ADAMTSL3: variants seen among roughly 807,000 people sequenced by gnomAD.
ADAMTSL3 encodes the protein ADAMTS-like protein 3.
In ADAMTSL3, 128 loss-of-function variants were observed where a neutral mutation model predicts 201.7. The observed-to-expected ratio is 0.63, with a 90% CI of 0.55 to 0.73. The LOEUF (loss-of-function observed/expected upper bound fraction) is 0.73, where lower values mean the gene tolerates loss of function less well. Among genes scored for constraint, ADAMTSL3 ranks in the 30% least tolerant of loss-of-function variants. The probability of loss-of-function intolerance (pLI) is 0.00; values close to 1 mark genes in which losing one functional copy is unlikely to be tolerated. For synonymous variants in ADAMTSL3, 738 were observed against 748.4 expected, an observed-to-expected ratio of 0.99 and a Z score of 0.23; for missense variants, 1,990 against 2,119.6, an observed-to-expected ratio of 0.94 and a Z score of 1.20.
intron 25 of ADAMTSL3, among the ~76,000 whole-genome samples, chr15:84,017,121 T>C (rs2068100025): frequency 6.6e-6 from 1 of 152,132 alleles, no homozygotes; most frequent in African/African-American, 2.4e-5. Flanking sequence ...GTTTATTTTG[T>C]TTATTTATTT....
intron 4 of ADAMTSL3, among the ~76,000 whole-genome samples, chr15:83,798,346 A>G (rs1485801088): frequency 1.3e-5 from 2 of 152,216 alleles, no homozygotes; most frequent in African/African-American, 2.4e-5. Context: ...AACATCCTAA[A>G]TCAAATGTGT....
chr15:83,991,025 A>G, intron 22 of ADAMTSL3, 61 bp from the exon 23 acceptor site: 2 of 1,607,270 alleles, frequency 1.2e-6, no homozygotes, highest in Middle Eastern at 1.7e-4. Context: ...CAAATGCAAT[A>G]TGTTTTACCA....
chr15:83,963,677 T>A (rs1431398442), intron 19 of ADAMTSL3, among the ~76,000 whole-genome samples: 1 of 152,202 alleles, frequency 6.6e-6, no homozygotes, highest in Non-Finnish European at 1.5e-5. Context: ...GACTGTCTCC[T>A]CAAGTGGGTC....
At chr15:83,991,236 G>C (rs769194255) in intron 23 of ADAMTSL3, 22 bp downstream of exon 23, 3 of 1,613,806 alleles carry the variant, frequency 1.9e-6, no homozygotes, top group Non-Finnish European at 2.5e-6. Flanking sequence ...CATTTCAGTG[G>C]GAGGCCATTT....
intron 23 of ADAMTSL3, among the ~76,000 whole-genome samples, chr15:84,007,741 C>G (rs1028010688): frequency 1.3e-5 from 2 of 152,160 alleles, no homozygotes; most frequent in African/African-American, 4.8e-5. Context: ...GTGTCATGAT[C>G]TGAGCTACCT....
intron 23 of ADAMTSL3, among the ~76,000 whole-genome samples, chr15:83,994,517 G>A (rs570228988): frequency 1.3e-5 from 2 of 150,568 alleles, no homozygotes; most frequent in Non-Finnish European, 3.0e-5. Context: ...ACTTTAAACA[G>A]ATCATCACAG....
At chr15:83,920,867 A>C (rs763933393) in intron 16 of ADAMTSL3, among the ~76,000 whole-genome samples, 1 of 152,272 alleles carries the variant, frequency 6.6e-6, no homozygotes, top group African/African-American at 2.4e-5. Flanking sequence ...CAACTCTCTA[A>C]ATCTTGTCCT....
chr15:84,036,487 C>CTCAA (rs2068508304), intron 28 of ADAMTSL3, among the ~76,000 whole-genome samples: 1 of 152,110 alleles, frequency 6.6e-6, no homozygotes, highest in Non-Finnish European at 1.5e-5. Flanking sequence ...GATGTGTGTG[C>CTCAA]CTTGACTTGG....
rs187948320 is a variant in ADAMTSL3 at position 83,843,045 on chromosome 15, C to G, written c.727+4830C>G. Among the ~76,000 whole-genome samples, 4 of 151,608 alleles carry G rather than the reference C, an allele frequency of 2.6e-5. No individual in the cohort carries two copies. In the East Asian group the frequency reaches 5.8e-4, roughly 22 times the overall value. ...CTGAAATGCAAGGTAGTTCATTATT[C>G]TCTCTCTCTCTGTCTCTTGATTTTC... is the stretch of plus-strand genomic sequence containing the variant. On this transcript the variant is annotated intron_variant, in intron 7 of 29. Transcript: ENST00000286744.
intron 28 of ADAMTSL3, among the ~76,000 whole-genome samples, chr15:84,031,967 C>G (rs1567314737): frequency 6.6e-6 from 1 of 152,076 alleles, no homozygotes; most frequent in African/African-American, 2.4e-5. Flanking sequence ...GATAGAAGAG[C>G]TTTTTTCATG....
chr15:83,799,764 A>G (rs934755095), intron 4 of ADAMTSL3, among the ~76,000 whole-genome samples: 3 of 152,320 alleles, frequency 2.0e-5, no homozygotes, highest in Non-Finnish European at 4.4e-5. Context: ...TAATTGTGAA[A>G]TGATGTTCTT....
Position 83,923,887 on chromosome 15 carries a change from C to G in ADAMTSL3, c.1988-17C>G. The G allele has an allele frequency of 6.8e-6, 11 of 1,609,770 alleles. No homozygotes were observed. The highest frequency in any genetic ancestry group is 9.3e-6 in the Non-Finnish European group (11 of 1,178,420). On this transcript the variant is annotated splice_polypyrimidine_tract_variant and intron_variant, in intron 16 of 29. Coordinates refer to ENST00000286744, the MANE Select transcript of ADAMTSL3 (RefSeq NM_207517.3). The stretch of plus-strand genomic sequence containing the variant: ...TATTCCATGTCATTTGCATTTTTTC[C>G]TCTTTCTAACCTGCAGGCCATCAAG...
intron 23 of ADAMTSL3, among the ~76,000 whole-genome samples, chr15:83,995,948 A>C (rs2067679605): frequency 6.6e-6 from 1 of 152,224 alleles, no homozygotes; most frequent in South Asian, 2.1e-4. Context: ...TGCGGAGCCC[A>C]CAGCAGATTC....
In ADAMTSL3 at chr15:83,773,536, C is replaced by G; in HGVS notation, c.203C>G (p.Thr68Ser). 1 of 1,613,002 alleles carries G rather than the reference C, an allele frequency of 6.2e-7. No homozygotes were observed. ...TTTAACATCTAGACCTCAAGAAACA[C>G]TCGTTCAGATGAAGACAAAGATGGC... ...YRYDDQTSRN[T>S]RSDEDKDGNW... Residue 68 changes from threonine to serine, a missense_variant, in exon 4 of 30, where the codon ACT becomes AGT. Transcript: ENST00000286744.
chr15:83,677,549 T>C (rs1464764906), intron 2 of ADAMTSL3, among the ~76,000 whole-genome samples: 1 of 152,172 alleles, frequency 6.6e-6, no homozygotes, highest in East Asian at 1.9e-4. Flanking sequence ...TGAGGTTTAC[T>C]TTATCTAATA....
intron 17 of ADAMTSL3, among the ~76,000 whole-genome samples, chr15:83,935,889 G>T (rs1170811530): frequency 2.0e-5 from 3 of 151,974 alleles, no homozygotes; most frequent in African/African-American, 7.2e-5. Flanking sequence ...ACTTTAAAAA[G>T]AGCTTGGCAC....
At chr15:83,896,947 G>A (rs1367593739) in intron 13 of ADAMTSL3, among the ~76,000 whole-genome samples, 1 of 152,136 alleles carries the variant, frequency 6.6e-6, no homozygotes, top group Non-Finnish European at 1.5e-5. Context: ...AAGGGGAAGA[G>A]CCCTTTATAA....
At chr15:83,804,313 T>C (rs1175296282) in intron 4 of ADAMTSL3, among the ~76,000 whole-genome samples, 1 of 152,154 alleles carries the variant, frequency 6.6e-6, no homozygotes, top group Non-Finnish European at 1.5e-5. Flanking sequence ...TCCCTTTTCA[T>C]TATAGAAAAG....
Position 84,018,995 on chromosome 15 carries a change from T to TA in ADAMTSL3, c.4274-2414dup, listed in dbSNP as rs531396472. Reference sequence around the variant, plus strand: ...GACTGGGAAAAATATTGGCAGAACATATGTCTGATGAAGAACTTATATCTA... The same window carrying TA: ...GACTGGGAAAAATATTGGCAGAACATAATGTCTGATGAAGAACTTATATCTA... On this transcript the variant is annotated intron_variant, in intron 25 of 29. Coordinates refer to ENST00000286744, the MANE Select transcript of ADAMTSL3 (RefSeq NM_207517.3). Among the ~76,000 whole-genome samples, 31 of 151,664 alleles carry TA rather than the reference T, an allele frequency of 2.0e-4. No homozygotes were observed. In the South Asian group the frequency reaches 6.3e-3, roughly 31 times the overall value.
Sources: gnomAD v4.1 joint callset for allele counts (sites outside exome capture counted in the v4.1 genomes callset) on GRCh38, gnomAD v4.1.1 for gene constraint, MANE v1.5 for transcripts, NCBI Gene and HGNC (gene_info 2026-07-23, HGNC 2026-07-21) for gene names.